The following BRD4 variants were observed in gnomAD, a reference collection of about 807,000 sequenced individuals.
The protein encoded by BRD4 is bromodomain containing 4, also known as bromodomain-containing protein 4.
In BRD4, 16 loss-of-function variants were observed where a neutral mutation model predicts 142.1. The ratio of observed to expected loss-of-function variants is 0.11; its 90% CI spans 0.08 to 0.17. The LOEUF is 0.17. BRD4 is among the 10% of genes least tolerant of loss of function. The pLI is 1.00. For missense variants in BRD4, 1,424 were observed against 1,810.9 expected (o/e 0.79, Z 3.88); for synonymous variants, 833 against 707.5 (o/e 1.18, Z -2.82).
At chr19:15,291,569 G>C (rs1376807945) in intron 1 of BRD4, among the ~76,000 whole-genome samples, 1 of 152,128 alleles carries the variant, frequency 6.6e-6, no homozygotes, top group Non-Finnish European at 1.5e-5. Context: ...ATTATGCACT[G>C]AACAGGATAA....
At chr19:15,332,002 C>G (rs1198429214) in intron 1 of BRD4, 5 of 143,292 alleles carry the variant, frequency 3.5e-5, no homozygotes. Flanking sequence ...ACCCGCGCCC[C>G]GCCGGCCAGC....
chr19:15,331,923 T>C (rs1198799231), intron 1 of BRD4: 1 of 144,092 alleles, frequency 6.9e-6, no homozygotes, highest in African/African-American at 2.5e-5. Flanking sequence ...CGGCAGGAAG[T>C]GCCGGGCGCC....
chr19:15,297,493 C>T (rs552533056), intron 1 of BRD4, among the ~76,000 whole-genome samples: 189 of 152,348 alleles, frequency 1.2e-3, no homozygotes, highest in African/African-American at 4.4e-3. Context: ...CCTTGGGGTA[C>T]TGCGGTTGCT....
At position 15,235,538 on chromosome 19, in the gene BRD4, A is replaced by G. The variant is rs960718800; in HGVS notation, c.*2839T>C. 5 of 151,234 alleles carry G rather than the reference A, an allele frequency of 3.3e-5. No individual in the cohort carries two copies. The highest frequency in any genetic ancestry group is 1.3e-4 in the Admixed American group (2 of 15,136). 9.4% of individuals were successfully genotyped at this position (151,234 alleles called of 1,614,324 possible). ...GGAGAGTAACTTTATACTCAGTACA[A>G]ATGTTTATTTTTGCAATGAGAACTG... On this transcript the variant is annotated 3_prime_UTR_variant, in exon 20 of 20. Coordinates refer to ENST00000679869, the MANE Select transcript of BRD4 (RefSeq NM_001379291.1).
chr19:15,263,312 C>T (rs1006126637), intron 7 of BRD4, 108 bp downstream of exon 7: 2 of 1,367,060 alleles, frequency 1.5e-6, no homozygotes, highest in South Asian at 2.8e-5. Context: ...TGGCATTATC[C>T]CAAGGAAAGT....
chr19:15,297,233 T>C (rs372942643), intron 1 of BRD4, among the ~76,000 whole-genome samples: 28 of 152,222 alleles, frequency 1.8e-4, no homozygotes, highest in African/African-American at 6.8e-4. Context: ...CAACATAGCA[T>C]GGCAGCCAGG....
chr19:15,271,724 G>A (rs1453681199), intron 2 of BRD4, among the ~76,000 whole-genome samples: 2 of 152,186 alleles, frequency 1.3e-5, no homozygotes, highest in East Asian at 1.9e-4. Context: ...AGAGCGTGGC[G>A]CCTCTTCTGC....
intron 1 of BRD4, among the ~76,000 whole-genome samples, chr19:15,288,170 T>C (rs1468050208): frequency 6.6e-6 from 1 of 152,208 alleles, no homozygotes; most frequent in Non-Finnish European, 1.5e-5. Flanking sequence ...TTGGCTACTG[T>C]GTATAGGGCT....
At chr19:15,278,564 A>G (rs2047674898) in intron 1 of BRD4, among the ~76,000 whole-genome samples, 1 of 134,810 alleles carries the variant, frequency 7.4e-6, no homozygotes. Context: ...AAAAAAAAAA[A>G]GAAATAACTA....
chr19:15,257,202 C>G (rs375678751), intron 7 of BRD4, 29 bp from the exon 8 acceptor site: 21 of 1,571,120 alleles, frequency 1.3e-5, no homozygotes, highest in Middle Eastern at 4.6e-4. Context: ...GCTGTGACGG[C>G]TGCTGGGTAC....
intron 4 of BRD4, among the ~76,000 whole-genome samples, 171 bp from the exon 5 acceptor site, chr19:15,265,814 GC>G (rs1427552524): frequency 6.6e-6 from 1 of 152,118 alleles, no homozygotes; most frequent in African/African-American, 2.4e-5. Context: ...TGTCCCTGGG[GC>G]TCAAAGAACA....
intron 6 of BRD4, chr19:15,264,142 A>C: frequency 2.3e-6 from 1 of 430,190 alleles, no homozygotes. Flanking sequence ...CCCCAAGGCC[A>C]GAGGGCTTGT....
At chr19:15,273,197 C>T in intron 1 of BRD4, 64 bp from the exon 2 acceptor site, 1 of 1,459,972 alleles carries the variant, frequency 6.8e-7, no homozygotes, top group Non-Finnish European at 9.1e-7. Flanking sequence ...CTCAGAATGA[C>T]AAGTCCCTCT....
intron 1 of BRD4, among the ~76,000 whole-genome samples, chr19:15,302,688 A>G (rs1391126866): frequency 1.7e-4 from 25 of 149,970 alleles, no homozygotes; most frequent in Admixed American, 1.5e-3. Context: ...AAAAAAAAAA[A>G]AAAAAAGGAT....
intron 1 of BRD4, among the ~76,000 whole-genome samples, chr19:15,298,376 G>A (rs747674333): frequency 5.9e-5 from 9 of 152,020 alleles, no homozygotes; most frequent in Admixed American, 3.3e-4. Context: ...GGTGGCTCAC[G>A]CCTGTAATCC....
chr19:15,330,750 G>A (rs1568415858), intron 1 of BRD4, among the ~76,000 whole-genome samples: 1 of 152,182 alleles, frequency 6.6e-6, no homozygotes, highest in African/African-American at 2.4e-5. Context: ...CTGGGCGACA[G>A]AGCGAGACTC....
At chr19:15,329,567 C>G (rs1005480872) in intron 1 of BRD4, among the ~76,000 whole-genome samples, 1 of 151,966 alleles carries the variant, frequency 6.6e-6, no homozygotes, top group Admixed American at 6.6e-5. Context: ...GATGAAACCC[C>G]GTCTCTACTA....
intron 1 of BRD4, among the ~76,000 whole-genome samples, chr19:15,307,643 C>T (rs976824291): frequency 5.3e-5 from 8 of 152,070 alleles, no homozygotes; most frequent in Non-Finnish European, 8.8e-5. Context: ...AGCCTGGGCG[C>T]GGAAGTGAGC....
intron 4 of BRD4, among the ~76,000 whole-genome samples, 160 bp downstream of exon 4, chr19:15,267,256 G>A (rs2047543399): frequency 1.3e-5 from 2 of 152,124 alleles, no homozygotes; most frequent in Non-Finnish European, 2.9e-5. Flanking sequence ...GACCCTATGG[G>A]ATGGATCCAA....
Sources: gnomAD v4.1 joint callset for allele counts (sites outside exome capture counted in the v4.1 genomes callset) on GRCh38, gnomAD v4.1.1 for gene constraint, MANE v1.5 for transcripts, NCBI Gene and HGNC (gene_info 2026-07-23, HGNC 2026-07-21) for gene names.